USP46: variants seen among roughly 807,000 people sequenced by gnomAD.
USP46 encodes the protein ubiquitin specific peptidase 46, also known as ubiquitin carboxyl-terminal hydrolase 46.
USP46 carries 12 observed loss-of-function variants against 44.4 expected under a neutral mutation model. The observed-to-expected ratio is 0.27, with a 90% CI of 0.17 to 0.44. The LOEUF (loss-of-function observed/expected upper bound fraction) is 0.44, where lower values mean the gene tolerates loss of function less well. Ranked by LOEUF, USP46 falls within the 20% of genes least tolerant of loss-of-function variation. The pLI is 1.00. For synonymous variants in USP46, 155 were observed against 161.5 expected, an observed-to-expected ratio of 0.96 and a Z score of 0.31; for missense variants, 248 against 444.8, an observed-to-expected ratio of 0.56 and a Z score of 3.98.
At chr4:52,600,183 T>G (rs1393569491) in intron 7 of USP46, among the ~76,000 whole-genome samples, 2 of 152,170 alleles carry the variant, frequency 1.3e-5, no homozygotes, top group Non-Finnish European at 2.9e-5. Context: ...AGGGTCCCTG[T>G]GCTGTGTGTC....
intron 1 of USP46, among the ~76,000 whole-genome samples, chr4:52,640,468 ATCT>A (rs1405133850): frequency 5.3e-5 from 8 of 152,156 alleles, no homozygotes; most frequent in Admixed American, 2.0e-4. Flanking sequence ...TTTTCTTATT[ATCT>A]TCTTAACTCT....
Position 52,620,140 on chromosome 4 carries a change from C to T in USP46, c.561+5878G>A, listed in dbSNP as rs189177879. ...CAGGAAATAACAAGCTAGGTAAAAG[C>T]TTTTGCAATATAAATACTTGACAAT... is the stretch of plus-strand genomic sequence containing the variant. On this transcript the variant is annotated intron_variant, in intron 4 of 8. Coordinates refer to ENST00000441222, the MANE Select transcript of USP46 (RefSeq NM_022832.4). Among the ~76,000 whole-genome samples, 547 of 152,244 alleles carry T rather than the reference C, an allele frequency of 3.6e-3. 11 individuals carry two copies. The highest frequency in any genetic ancestry group is 1.6e-3 in the Non-Finnish European group (106 of 68,022).
intron 4 of USP46, among the ~76,000 whole-genome samples, chr4:52,619,160 G>T (rs1717280751): frequency 6.6e-6 from 1 of 152,126 alleles, no homozygotes; most frequent in South Asian, 2.1e-4. Flanking sequence ...CTTTATCAAG[G>T]TTATCTGGAA....
At chr4:52,640,923 C>A (rs1275268813) in intron 1 of USP46, among the ~76,000 whole-genome samples, 3 of 151,232 alleles carry the variant, frequency 2.0e-5, no homozygotes, top group Non-Finnish European at 4.4e-5. Flanking sequence ...TGTATTTGGC[C>A]ATTTTTTTTT....
At chr4:52,635,880 G>A (rs1013971341) in intron 1 of USP46, among the ~76,000 whole-genome samples, 1 of 152,214 alleles carries the variant, frequency 6.6e-6, no homozygotes, top group African/African-American at 2.4e-5. Flanking sequence ...GTGAGGTGGG[G>A]AGAAGTGGGG....
intron 1 of USP46, among the ~76,000 whole-genome samples, chr4:52,651,947 T>G (rs999025996): frequency 6.6e-6 from 1 of 152,234 alleles, no homozygotes; most frequent in Non-Finnish European, 1.5e-5. Flanking sequence ...TTTTTTCACC[T>G]GCATCTTCCA....
chr4:52,656,467 G>T, intron 1 of USP46: 2 of 1,445,818 alleles, frequency 1.4e-6, no homozygotes, highest in Non-Finnish European at 1.8e-6. Flanking sequence ...GCAGGGGGCG[G>T]GGTTAAGGAT....
chr4:52,615,049 A>T (rs1717072361), intron 4 of USP46, among the ~76,000 whole-genome samples: 1 of 152,158 alleles, frequency 6.6e-6, no homozygotes, highest in Non-Finnish European at 1.5e-5. Flanking sequence ...TCAAGAGGAA[A>T]ATTAAAATGG....
At chr4:52,605,312 G>C (rs1351344645) in intron 5 of USP46, among the ~76,000 whole-genome samples, 1 of 152,116 alleles carries the variant, frequency 6.6e-6, no homozygotes, top group African/African-American at 2.4e-5. Flanking sequence ...GTTCTACTCT[G>C]CTACTTACGG....
chr4:52,603,937 G>A (rs138155654), intron 6 of USP46, among the ~76,000 whole-genome samples: 17 of 152,152 alleles, frequency 1.1e-4, no homozygotes, highest in African/African-American at 3.9e-4. Flanking sequence ...GGCCTGTCTT[G>A]GCCTCCCAAA....
chr4:52,653,384 A>G (rs1220037355), intron 1 of USP46, among the ~76,000 whole-genome samples: 1 of 151,792 alleles, frequency 6.6e-6, no homozygotes, highest in Non-Finnish European at 1.5e-5. Context: ...AGGCAACTGT[A>G]ATCCCAGCTG....
At chr4:52,642,702 G>A (rs1419674281) in intron 1 of USP46, among the ~76,000 whole-genome samples, 1 of 152,182 alleles carries the variant, frequency 6.6e-6, no homozygotes. Flanking sequence ...TAGTTAAGAG[G>A]AAAGCAGATT....
intron 5 of USP46, 126 bp downstream of exon 5, chr4:52,610,415 T>C (rs577039808): frequency 1.9e-5 from 15 of 790,544 alleles, no homozygotes; most frequent in Middle Eastern, 4.7e-4. Flanking sequence ...AAAGGAGAGA[T>C]AGAAAATAAT....
intron 4 of USP46, among the ~76,000 whole-genome samples, chr4:52,621,926 A>G (rs1577674666): frequency 6.6e-6 from 1 of 152,366 alleles, no homozygotes; most frequent in South Asian, 2.1e-4. Context: ...CAAAATGATA[A>G]CAATGAATGA....
chr4:52,634,488 G>A (rs1423055325), intron 1 of USP46, among the ~76,000 whole-genome samples: 14 of 134,856 alleles, frequency 1.0e-4, no homozygotes, highest in African/African-American at 3.4e-4. Context: ...CAGCCTGGGC[G>A]ACAAGAGCGA....
In USP46 at chr4:52,601,871, G is replaced by T; in HGVS notation, c.906C>A (p.Val302=). The T allele has an allele frequency of 2.5e-6, 4 of 1,613,242 alleles. No homozygotes were observed. The South Asian group carries it at 4.4e-5, about 18-fold the overall frequency. Residue 302 remains valine, a synonymous_variant, in exon 7 of 9, where the codon GTC becomes GTA. Coordinates refer to ENST00000441222, the MANE Select transcript of USP46 (RefSeq NM_022832.4). ...CTTGCCCTTACCTGCCACAGTGAACGACCACCGCAACCAAGTCATACATGC... is the reference window on the plus strand; with the variant it reads ...CTTGCCCTTACCTGCCACAGTGAACTACCACCGCAACCAAGTCATACATGC... The part of the protein sequence containing the change: ...LDRMYDLVAV[V]VHCGSGPNRG...
intron 1 of USP46, among the ~76,000 whole-genome samples, chr4:52,644,322 G>A (rs1718456611): frequency 6.6e-6 from 1 of 152,136 alleles, no homozygotes; most frequent in African/African-American, 2.4e-5. Flanking sequence ...GGCTTCAACA[G>A]GGAAAGCAAT....
intron 1 of USP46, among the ~76,000 whole-genome samples, chr4:52,657,129 C>T (rs1467890863): frequency 1.3e-5 from 2 of 151,642 alleles, no homozygotes; most frequent in Non-Finnish European, 1.5e-5. Context: ...CTAGACATGG[C>T]GTCTAAATAC....
chr4:52,640,425 T>A (rs943026330), intron 1 of USP46, among the ~76,000 whole-genome samples: 4 of 151,974 alleles, frequency 2.6e-5, no homozygotes, highest in Non-Finnish European at 5.9e-5. Flanking sequence ...CATCAGGGAG[T>A]AGGCCTAGAA....
Sources: gnomAD v4.1 joint callset for allele counts (sites outside exome capture counted in the v4.1 genomes callset) on GRCh38, gnomAD v4.1.1 for gene constraint, MANE v1.5 for transcripts, NCBI Gene and HGNC (gene_info 2026-07-23, HGNC 2026-07-21) for gene names.